Variants in DSE observed in about 807,000 individuals in gnomAD.
DSE encodes dermatan-sulfate epimerase.
DSE carries 36 observed loss-of-function variants against 84.4 expected under a neutral mutation model. The observed-to-expected ratio is 0.43, with a 90% CI of 0.33 to 0.56. The LOEUF (loss-of-function observed/expected upper bound fraction) is 0.56, where lower values mean the gene tolerates loss of function less well. DSE is among the 20% of genes least tolerant of loss of function. The probability of loss-of-function intolerance (pLI) is 0.06; values close to 1 mark genes in which losing one functional copy is unlikely to be tolerated. For synonymous variants in DSE, 410 were observed against 430.1 expected, an observed-to-expected ratio of 0.95 and a Z score of 0.58; for missense variants, 862 against 1,169.6, an observed-to-expected ratio of 0.74 and a Z score of 3.84.
chr6:116,338,171 CTTTCTCTTTCTT>C (rs374059023), intron 2 of DSE, among the ~76,000 whole-genome samples: 800 of 44,494 alleles, frequency 0.018, 9 homozygotes, highest in African/African-American at 0.04. Context: ...CTTTCTGTCT[CTTTCTCTTTCTT>C]TCTTTCTTTC....
At chr6:116,407,845 A>G (rs1232299288) in intron 2 of DSE, among the ~76,000 whole-genome samples, 1 of 152,096 alleles carries the variant, frequency 6.6e-6, no homozygotes, top group Non-Finnish European at 1.5e-5. Flanking sequence ...TGTGATTTTT[A>G]TTGTTTTAAA....
chr6:116,356,649 G>T (rs376709391), intron 2 of DSE, among the ~76,000 whole-genome samples: 4 of 152,116 alleles, frequency 2.6e-5, no homozygotes, highest in African/African-American at 9.7e-5. Context: ...CTCACTTTGC[G>T]AATGACGAAA....
chr6:116,399,953 CT>C (rs1205092868), intron 2 of DSE: 1 of 360,534 alleles, frequency 2.8e-6, no homozygotes, highest in African/African-American at 2.1e-5. Flanking sequence ...GCTGAGAATT[CT>C]TTCTTCCATA....
intron 1 of DSE, among the ~76,000 whole-genome samples, chr6:116,390,749 C>T (rs1362896742): frequency 6.6e-6 from 1 of 152,140 alleles, no homozygotes; most frequent in African/African-American, 2.4e-5. Context: ...GTAACCGTTT[C>T]ATTTTCTCTT....
chr6:116,264,124 T>G (rs1772522796), intron 2 of DSE, among the ~76,000 whole-genome samples: 1 of 152,186 alleles, frequency 6.6e-6, no homozygotes. Flanking sequence ...TTTCCTGTAT[T>G]TGAATGTTGG....
intron 1 of DSE, chr6:116,256,545 T>C (rs1411247035): frequency 6.6e-6 from 1 of 152,228 alleles, no homozygotes; most frequent in Non-Finnish European, 1.5e-5. Flanking sequence ...CCGTACTTAT[T>C]TATCCTCTAC....
chr6:116,270,730 T>C (rs1029637195), intron 2 of DSE, among the ~76,000 whole-genome samples: 3 of 152,208 alleles, frequency 2.0e-5, no homozygotes, highest in African/African-American at 7.2e-5. Flanking sequence ...GGAATAACTT[T>C]CAACTAAGAT....
chr6:116,399,453 C>T lies in DSE; in HGVS notation c.203C>T (p.Ala68Val), dbSNP rs1278120330. The T allele has an allele frequency of 2.5e-6, 4 of 1,614,256 alleles. No homozygotes were observed. The South Asian group carries it at 4.4e-5, about 18-fold the overall frequency. Residue 68 changes from alanine to valine, a missense_variant, in exon 2 of 6, where the codon GCA becomes GTA. Coordinates refer to ENST00000644252, the MANE Select transcript of DSE (RefSeq NM_013352.4). Reference sequence around the variant, plus strand: ...GCTGCCAGCTCGCACGAGCACATTGCAGCCCGCCTCACGGAGGCTGTGCAC... The same window carrying T: ...GCTGCCAGCTCGCACGAGCACATTGTAGCCCGCCTCACGGAGGCTGTGCAC... Reference protein sequence around the residue: ...LRAASSHEHIAARLTEAVHTM... With the variant: ...LRAASSHEHIVARLTEAVHTM...
chr6:116,431,791 A>G (rs538882181), intron 4 of DSE, among the ~76,000 whole-genome samples: 92 of 152,292 alleles, frequency 6.0e-4, no homozygotes, highest in African/African-American at 2.1e-3. Flanking sequence ...TCTAAAAAAA[A>G]TATATACATG....
At chr6:116,426,485 C>G in intron 2 of DSE, 89 bp from the exon 3 acceptor site, 1 of 1,511,278 alleles carries the variant, frequency 6.6e-7, no homozygotes, top group East Asian at 2.3e-5. Flanking sequence ...TCAAGTGTGC[C>G]CTTTAGTTCT....
intron 2 of DSE, chr6:116,279,865 C>A (rs1289754518): frequency 6.2e-7 from 1 of 1,613,056 alleles, no homozygotes; most frequent in Non-Finnish European, 8.5e-7. Flanking sequence ...AGGCGAACGC[C>A]CGTTTTCCTC....
At chr6:116,310,671 C>T (rs1235894877) in intron 2 of DSE, among the ~76,000 whole-genome samples, 1 of 152,270 alleles carries the variant, frequency 6.6e-6, no homozygotes, top group South Asian at 2.1e-4. Flanking sequence ...CAAATCTACA[C>T]ACTTTTCAGC....
Position 116,384,806 on chromosome 6 carries a change from G to A in DSE, c.-54+13685G>A, listed in dbSNP as rs1780473773. 2.0e-5 allele frequency among the ~76,000 whole-genome samples: 3 copies of A among 152,116 alleles called. No individual in the cohort carries two copies. In the South Asian group the frequency reaches 6.2e-4, roughly 32 times the overall value. ...TTATGTGCTGGAGATATAGCAGAAA[G>A]CAAAGTGCCCTCCTGAAGCTTACAT... On this transcript the variant is annotated intron_variant, in intron 1 of 5. Transcript: ENST00000644252.
chr6:116,334,528 C>G (rs1777128506), intron 2 of DSE, among the ~76,000 whole-genome samples: 1 of 152,132 alleles, frequency 6.6e-6, no homozygotes, highest in African/African-American at 2.4e-5. Flanking sequence ...CTTGCTAGAT[C>G]CCATTTGTTA....
In DSE at chr6:116,435,705, T is replaced by C. The variant is rs566555871; in HGVS notation, c.1237T>C (p.Ser413Pro). The C allele has an allele frequency of 5.6e-6, 9 of 1,614,118 alleles. No homozygotes were observed. In the South Asian group the frequency reaches 6.6e-5, roughly 12 times the overall value. The change falls in exon 6 of 6, where the codon TCT (serine) becomes CCT (proline). Residue 413 changes from serine to proline, a missense_variant. By Grantham distance (74) the Ser-to-Pro change is moderately conservative (BLOSUM62 -1). This residue lies in a region of DSE where 309 missense variants were observed against 516.9 expected (regional missense o/e 0.60). Transcript: ENST00000644252. ...GSALPAEINR[S>P]FLSFKSGKLG... ...TGCACTACCTGCAGAAATCAATAGA[T>C]CTTTCCTTTCCTTCAAGTCTGGAAA... is the stretch of plus-strand genomic sequence containing the variant.
At chr6:116,271,345 G>A (rs898514674) in intron 2 of DSE, among the ~76,000 whole-genome samples, 1 of 152,218 alleles carries the variant, frequency 6.6e-6, no homozygotes, top group Non-Finnish European at 1.5e-5. Context: ...GATCCAGGTG[G>A]TGCAGATACT....
At chr6:116,412,439 G>C (rs367567805) in intron 2 of DSE, 13 of 152,354 alleles carry the variant, frequency 8.5e-5, no homozygotes, top group African/African-American at 3.1e-4. Context: ...TTTTGTCTTA[G>C]TCCTGGCTCC....
At chr6:116,376,092 A>T (rs1179569097) in intron 1 of DSE, among the ~76,000 whole-genome samples, 1 of 152,134 alleles carries the variant, frequency 6.6e-6, no homozygotes, top group Non-Finnish European at 1.5e-5. Flanking sequence ...TTTACTACTC[A>T]CTACTCCTCA....
intron 2 of DSE, among the ~76,000 whole-genome samples, chr6:116,330,166 C>A (rs1474245457): frequency 6.6e-6 from 1 of 152,132 alleles, no homozygotes; most frequent in Non-Finnish European, 1.5e-5. Context: ...TAACTTTTTG[C>A]ATTTTCAGCT....
Sources: gnomAD v4.1 joint callset for allele counts (sites outside exome capture counted in the v4.1 genomes callset) on GRCh38, gnomAD v4.1.1 for gene constraint, gnomAD v4.1.1 regional missense constraint, MANE v1.5 for transcripts, NCBI Gene and HGNC (gene_info 2026-07-23, HGNC 2026-07-21) for gene names.